SPG21: variants seen among roughly 807,000 people sequenced by gnomAD.
SPG21 encodes maspardin.
A neutral mutation model predicts 38.9 loss-of-function variants in SPG21; 26 were observed. That is an observed-to-expected ratio of 0.67 (90% CI 0.49 to 0.93). The LOEUF is 0.93. Among genes scored for constraint, SPG21 ranks in the 40% least tolerant of loss-of-function variants. The pLI is 0.00. For missense variants in SPG21, 333 were observed against 376.5 expected, an observed-to-expected ratio of 0.88 and a Z score of 0.96; for synonymous variants, 136 against 128.9, an observed-to-expected ratio of 1.05 and a Z score of -0.37.
At chr15:64,982,766 A>C (rs186600807) in intron 2 of SPG21, among the ~76,000 whole-genome samples, 1 of 152,318 alleles carries the variant, frequency 6.6e-6, no homozygotes, top group African/African-American at 2.4e-5. Flanking sequence ...CAGGAAAATA[A>C]AGCTTCTAGA....
chr15:64,969,984 G>A (rs2085628496), intron 6 of SPG21, 130 bp downstream of exon 6: 1 of 832,622 alleles, frequency 1.2e-6, no homozygotes. Context: ...AATAATATCT[G>A]CTCAGATGTA....
intron 1 of SPG21, among the ~76,000 whole-genome samples, chr15:64,984,935 G>C (rs2085960256): frequency 6.6e-6 from 1 of 151,960 alleles, no homozygotes; most frequent in South Asian, 2.1e-4. Flanking sequence ...ATTTTTAGTA[G>C]AGACGGGGTT....
At chr15:64,972,497 T>C (rs935874817) in intron 5 of SPG21, among the ~76,000 whole-genome samples, 8 of 152,126 alleles carry the variant, frequency 5.3e-5, no homozygotes, top group Non-Finnish European at 1.0e-4. Context: ...ATACAAGAAA[T>C]TGTTGCATGA....
intron 4 of SPG21, 43 bp downstream of exon 4, chr15:64,976,432 A>T (rs1013904865): frequency 7.3e-6 from 9 of 1,240,078 alleles, no homozygotes; most frequent in Non-Finnish European, 9.3e-6. Flanking sequence ...CTCAAAAAAT[A>T]AAAAAAAAAT....
At chr15:64,964,100 C>T (rs948945121) in intron 8 of SPG21, among the ~76,000 whole-genome samples, 1 of 152,138 alleles carries the variant, frequency 6.6e-6, no homozygotes, top group Non-Finnish European at 1.5e-5. Flanking sequence ...AAAATGTATA[C>T]TGCCTTCTAT....
chr15:64,964,190 TAGAGA>T (rs1311385626), intron 8 of SPG21, among the ~76,000 whole-genome samples: 1 of 152,216 alleles, frequency 6.6e-6, no homozygotes, highest in African/African-American at 2.4e-5. Context: ...ACATACTAAA[TAGAGA>T]AAAGTCAAAC....
At chr15:64,988,175 T>G (rs917979236) in intron 1 of SPG21, among the ~76,000 whole-genome samples, 1 of 151,978 alleles carries the variant, frequency 6.6e-6, no homozygotes, top group African/African-American at 2.4e-5. Flanking sequence ...TGAGCTGAGA[T>G]CACACCACTG....
At chr15:64,965,297 CT>C in intron 8 of SPG21, 22 bp downstream of exon 8, 1 of 1,614,192 alleles carries the variant, frequency 6.2e-7, no homozygotes, top group Non-Finnish European at 8.5e-7. Context: ...TCAGAGTGCT[CT>C]GGGTTTCAAG....
intron 7 of SPG21, 103 bp from the exon 8 acceptor site, chr15:64,965,563 A>G (rs2085524843): frequency 6.5e-7 from 1 of 1,538,974 alleles, no homozygotes; most frequent in African/African-American, 1.4e-5. Context: ...TTTTCACATT[A>G]TGGAAATGTT....
chr15:64,983,908 C>G (rs1429389816), intron 1 of SPG21, among the ~76,000 whole-genome samples: 1 of 151,818 alleles, frequency 6.6e-6, no homozygotes, highest in Non-Finnish European at 1.5e-5. Flanking sequence ...CTCAGCCTCC[C>G]GAGTATCTGG....
chr15:64,971,863 G>A (rs1006169903), intron 5 of SPG21, among the ~76,000 whole-genome samples: 1 of 152,096 alleles, frequency 6.6e-6, no homozygotes, highest in African/African-American at 2.4e-5. Context: ...GTAGAGACAG[G>A]ATCTTGCTCT....
chr15:64,971,111 AG>A (rs2140419398), intron 5 of SPG21, among the ~76,000 whole-genome samples: 1 of 152,238 alleles, frequency 6.6e-6, no homozygotes, highest in South Asian at 2.1e-4. Flanking sequence ...CCCAGGCTGA[AG>A]TGCAGTATTG....
At chr15:64,981,343 G>A (rs527371059) in intron 2 of SPG21, 28 of 309,202 alleles carry the variant, frequency 9.1e-5, no homozygotes, top group South Asian at 7.4e-4. Context: ...AGGCTGGAGT[G>A]CAGTGGCACG....
intron 4 of SPG21, among the ~76,000 whole-genome samples, chr15:64,975,830 A>C (rs2085762311): frequency 6.6e-6 from 1 of 152,144 alleles, no homozygotes; most frequent in African/African-American, 2.4e-5. Context: ...CCTTAAACTC[A>C]CAATGCTAAA....
At position 64,965,330 on chromosome 15, in the gene SPG21, A is replaced by T. The variant is rs2085520318; in HGVS notation, c.800T>A (p.Leu267His). Residue 267 changes from leucine (L) to histidine (H), a missense_variant, in exon 8 of 9, where the codon CTT (leucine) becomes CAT (histidine). Transcript: ENST00000204566. ...CAAGCTAGGCCTTACCTGTACATAA[A>T]GATTGACCTCTGCACTTCTGCACAG... The part of the protein sequence containing the change: ...PYLCRSAEVN[L>H]YVQIHLLQFH... The T allele has an allele frequency of 6.2e-7, 1 of 1,614,210 alleles. No homozygotes were observed.
intron 3 of SPG21, among the ~76,000 whole-genome samples, chr15:64,977,103 T>C (rs1303221182): frequency 2.0e-5 from 3 of 152,212 alleles, no homozygotes; most frequent in Admixed American, 6.5e-5. Context: ...GTCTCCTCTG[T>C]TGCCCAGGCT....
intron 2 of SPG21, chr15:64,981,289 CTTTT>C (rs34703670): frequency 3.5e-3 from 977 of 279,322 alleles, no homozygotes; most frequent in South Asian, 6.2e-3. Flanking sequence ...CCCCCTCCTC[CTTTT>C]TTTTTTTTTT....
Position 64,974,675 on chromosome 15 carries a change from T to C in SPG21, c.379A>G (p.Arg127Gly). ...TTGCAGAGGATTAGGGAATGGACTCTAGGAGATTTGTGAGTGTATTCAGCA... is the reference window on the plus strand; with the variant it reads ...TTGCAGAGGATTAGGGAATGGACTCCAGGAGATTTGTGAGTGTATTCAGCA... ...KFAEYTHKSP[R>G]VHSLILCNSF... Residue 127 changes from arginine (R) to glycine (G), a missense_variant, in exon 5 of 9, where the codon AGA becomes GGA. Coordinates refer to ENST00000204566, the MANE Select transcript of SPG21 (RefSeq NM_016630.7). The C allele has an allele frequency of 6.2e-7, 1 of 1,614,156 alleles. No homozygotes were observed. Among genetic ancestry groups the C allele is most frequent in the Non-Finnish European group, 8.5e-7 (1 of 1,180,014 alleles).
intron 2 of SPG21, among the ~76,000 whole-genome samples, chr15:64,981,780 C>T (rs2085891446): frequency 1.3e-5 from 2 of 151,950 alleles, no homozygotes; most frequent in Non-Finnish European, 2.9e-5. Context: ...TCACGGCATC[C>T]TAGTTTAATT....
Sources: gnomAD v4.1 joint callset for allele counts (sites outside exome capture counted in the v4.1 genomes callset) on GRCh38, gnomAD v4.1.1 for gene constraint, MANE v1.5 for transcripts, NCBI Gene and HGNC (gene_info 2026-07-23, HGNC 2026-07-21) for gene names.